Variants in CCDC60 observed in about 807,000 individuals in gnomAD.
CCDC60 encodes the protein coiled-coil domain-containing protein 60.
Under a neutral mutation model 63.5 loss-of-function variants are expected in CCDC60, and 54 were observed. That is an observed-to-expected ratio of 0.85 (90% CI 0.68 to 1.07). The LOEUF (loss-of-function observed/expected upper bound fraction) is 1.07, where lower values mean the gene tolerates loss of function less well. CCDC60 is among the 50% of genes least tolerant of loss of function. The pLI is 0.00. For synonymous variants in CCDC60, 206 were observed against 238.8 expected (o/e 0.86, Z 1.27); for missense variants, 651 against 684.3 (o/e 0.95, Z 0.54).
At chr12:119,360,755 A>T (rs1221833078) in intron 1 of CCDC60, among the ~76,000 whole-genome samples, 2 of 152,092 alleles carry the variant, frequency 1.3e-5, no homozygotes, top group Admixed American at 6.5e-5. Context: ...AGAGGCTGCA[A>T]TCTCGGCACT....
chr12:119,336,493 G>A (rs998051367), intron 1 of CCDC60, among the ~76,000 whole-genome samples: 8 of 152,270 alleles, frequency 5.3e-5, no homozygotes, highest in African/African-American at 9.6e-5. Flanking sequence ...TAGGTTTGCC[G>A]TCTGCAGGAC....
intron 1 of CCDC60, among the ~76,000 whole-genome samples, chr12:119,415,147 A>C (rs1229949200): frequency 6.6e-6 from 1 of 152,178 alleles, no homozygotes; most frequent in Non-Finnish European, 1.5e-5. Context: ...ACTTAGACTA[A>C]AATGCAAATA....
At chr12:119,522,345 G>A (rs1299660822) in intron 9 of CCDC60, among the ~76,000 whole-genome samples, 2 of 152,196 alleles carry the variant, frequency 1.3e-5, no homozygotes, top group South Asian at 2.1e-4. Flanking sequence ...ACAGGAGGGG[G>A]TATCCATACG....
intron 2 of CCDC60, among the ~76,000 whole-genome samples, chr12:119,432,022 A>G (rs1465899633): frequency 6.6e-6 from 1 of 152,232 alleles, no homozygotes; most frequent in Non-Finnish European, 1.5e-5. Flanking sequence ...AAGTTAGTTC[A>G]GCTTACGCCC....
chr12:119,528,095 T>C (rs1400804721), intron 11 of CCDC60, among the ~76,000 whole-genome samples: 1 of 152,106 alleles, frequency 6.6e-6, no homozygotes, highest in Non-Finnish European at 1.5e-5. Context: ...GAATTTATTC[T>C]GAGTAAACTG....
intron 2 of CCDC60, among the ~76,000 whole-genome samples, chr12:119,469,146 T>C (rs1593132241): frequency 6.6e-6 from 1 of 152,296 alleles, no homozygotes; most frequent in East Asian, 1.9e-4. Context: ...GTCAACAATG[T>C]CCTGTGGAAC....
chr12:119,493,833 T>G (rs548787260), intron 5 of CCDC60, among the ~76,000 whole-genome samples: 15 of 145,048 alleles, frequency 1.0e-4, no homozygotes, highest in South Asian at 4.2e-4. Flanking sequence ...ATTCTGAGGG[T>G]TTTTTTTGTT....
At chr12:119,477,072 C>T (rs1191586342) in intron 3 of CCDC60, among the ~76,000 whole-genome samples, 1 of 152,224 alleles carries the variant, frequency 6.6e-6, no homozygotes, top group Non-Finnish European at 1.5e-5. Context: ...AGACAGCTCA[C>T]TCACATTGGT....
At position 119,479,106 on chromosome 12, in the gene CCDC60, TGAG is replaced by T. The variant is rs769460843; in HGVS notation, c.355_357del (p.Glu119del). ...GCTTGTCCTTCAGCACATATGATGA[TGAG>T]AAGTTGAAGACACTGGGAGCTAGAG... On this transcript the variant is annotated inframe_deletion, in exon 4 of 14. Transcript: ENST00000327554. The T allele has an allele frequency of 1.9e-6, 3 of 1,612,088 alleles. No individual in the cohort carries two copies. The highest frequency in any genetic ancestry group is 1.7e-6 in the Non-Finnish European group (2 of 1,178,406).
At chr12:119,482,997 C>T (rs1951359671) in intron 4 of CCDC60, among the ~76,000 whole-genome samples, 1 of 152,228 alleles carries the variant, frequency 6.6e-6, no homozygotes, top group Non-Finnish European at 1.5e-5. Flanking sequence ...ACCCAAAGCC[C>T]CTTGAGGGCA....
chr12:119,430,031 T>C (rs759363024), intron 2 of CCDC60, among the ~76,000 whole-genome samples: 1 of 152,126 alleles, frequency 6.6e-6, no homozygotes, highest in Non-Finnish European at 1.5e-5. Context: ...TCATACATGA[T>C]GAAAAGTAAT....
At chr12:119,396,155 G>A (rs888490659) in intron 1 of CCDC60, among the ~76,000 whole-genome samples, 4 of 151,938 alleles carry the variant, frequency 2.6e-5, no homozygotes, top group Admixed American at 6.6e-5. Context: ...CCAGGCTGGT[G>A]TCGAACTCCT....
intron 2 of CCDC60, among the ~76,000 whole-genome samples, chr12:119,470,509 A>T (rs886205042): frequency 2.6e-5 from 4 of 152,224 alleles, no homozygotes; most frequent in African/African-American, 9.6e-5. Context: ...GCCTCCCAGC[A>T]TATTCCCAAT....
rs745315361 is a variant in CCDC60, at chr12:119,523,779, C to T, written c.1190C>T (p.Ala397Val). ...RAKFYSVAQE[A>V]GFCLQDKMEI... The stretch of plus-strand genomic sequence containing the variant: ...AAGTTTTACAGCGTAGCCCAGGAGG[C>T]TGGCTTCTGCCTGCAGGACAAGATG... Residue 397 changes from alanine (A) to valine (V), a missense_variant, in exon 11 of 14, where the codon GCT becomes GTT. Transcript: ENST00000327554. The T allele has an allele frequency of 3.1e-6, 5 of 1,614,196 alleles. No individual in the cohort carries two copies. The highest frequency in any genetic ancestry group is 4.2e-6 in the Non-Finnish European group (5 of 1,180,014).
rs544750268 is a variant in CCDC60, at chr12:119,456,228, T to C, written c.171-15766T>C. On this transcript the variant is annotated intron_variant, in intron 2 of 13. Transcript: ENST00000327554. The surrounding 1 kb of genome is among the most constrained non-coding windows in gnomAD (Gnocchi z 4.6). The stretch of plus-strand genomic sequence containing the variant: ...GGAAGCCATTAGAGGATTTTGAGCA[T>C]TAAGATAGGAATGATGAGATTTGCC... Among the ~76,000 whole-genome samples the C allele has an allele frequency of 6.6e-6, 1 of 152,126 alleles. No homozygotes were observed. The highest frequency in any genetic ancestry group is 6.5e-5 in the Admixed American group (1 of 15,272).
At chr12:119,350,205 ATTTATTTT>A (rs1446094033) in intron 1 of CCDC60, among the ~76,000 whole-genome samples, 9 of 119,204 alleles carry the variant, frequency 7.6e-5, no homozygotes, top group South Asian at 3.0e-4. Flanking sequence ...TTATTTATTT[ATTTATTTT>A]TTGAGACAGA....
At chr12:119,470,655 C>T (rs567885151) in intron 2 of CCDC60, among the ~76,000 whole-genome samples, 3 of 152,212 alleles carry the variant, frequency 2.0e-5, no homozygotes, top group South Asian at 2.1e-4. Flanking sequence ...CATGCAAAAC[C>T]GAGCACAAGA....
chr12:119,391,729 G>A (rs1312680800), intron 1 of CCDC60, among the ~76,000 whole-genome samples: 1 of 152,236 alleles, frequency 6.6e-6, no homozygotes, highest in Non-Finnish European at 1.5e-5. Context: ...CCTAGAGAAA[G>A]CTAAAAGAAT....
intron 1 of CCDC60, among the ~76,000 whole-genome samples, chr12:119,353,916 T>C (rs911704643): frequency 6.6e-5 from 10 of 152,066 alleles, no homozygotes; most frequent in African/African-American, 2.4e-4. Context: ...CTATCAAAAA[T>C]ACAAAAAATT....
Sources: gnomAD v4.1 joint callset for allele counts (sites outside exome capture counted in the v4.1 genomes callset) on GRCh38, gnomAD v4.1.1 for gene constraint, Gnocchi (gnomAD v3.1) non-coding constraint, MANE v1.5 for transcripts, NCBI Gene and HGNC (gene_info 2026-07-23, HGNC 2026-07-21) for gene names.